Variants in MACROD2 observed in about 807,000 individuals in gnomAD.
MACROD2 encodes mono-ADP ribosylhydrolase 2.
A neutral mutation model predicts 70.4 loss-of-function variants in MACROD2; 36 were observed. The ratio of observed to expected loss-of-function variants is 0.51; its 90% CI spans 0.39 to 0.68. MACROD2 has a LOEUF of 0.68. Ranked by LOEUF, MACROD2 falls within the 30% of genes least tolerant of loss-of-function variation. The pLI is 0.00. For synonymous variants in MACROD2, 172 were observed against 178.8 expected (o/e 0.96, Z 0.30); for missense variants, 496 against 538.4 (o/e 0.92, Z 0.78).
chr20:15,685,263 C>T (rs1485673948), intron 8 of MACROD2, among the ~76,000 whole-genome samples: 1 of 152,152 alleles, frequency 6.6e-6, no homozygotes. Flanking sequence ...TTTGAATTTT[C>T]TGGCATTTAA....
At chr20:15,772,101 A>AAAAAAAAAAAAATATAT (rs1555777716) in intron 8 of MACROD2, among the ~76,000 whole-genome samples, 1 of 91,442 alleles carries the variant, frequency 1.1e-5, no homozygotes, top group Non-Finnish European at 1.9e-5. Context: ...AAAAAAAAAA[A>AAAAAAAAAAAAATATAT]ATATATATAT....
chr20:14,763,057 A>T (rs1370800225), intron 5 of MACROD2, among the ~76,000 whole-genome samples: 2 of 152,076 alleles, frequency 1.3e-5, no homozygotes, highest in Non-Finnish European at 2.9e-5. Flanking sequence ...GGGGGAAATG[A>T]GCTTCACAGG....
At chr20:16,049,638 G>A (rs1219722312) in intron 17 of MACROD2, among the ~76,000 whole-genome samples, 192 bp from the exon 18 acceptor site, 1 of 152,168 alleles carries the variant, frequency 6.6e-6, no homozygotes, top group Non-Finnish European at 1.5e-5. Flanking sequence ...TGATTTATAT[G>A]CTCTTTAAAG....
At chr20:14,086,344 A>G in intron 3 of MACROD2, 1 of 222,948 alleles carries the variant, frequency 4.5e-6, no homozygotes. Context: ...ATATCAAAAA[A>G]GATATAACAG....
chr20:14,327,393 A>G (rs1258597087), intron 3 of MACROD2: 10 of 1,613,608 alleles, frequency 6.2e-6, no homozygotes, highest in Non-Finnish European at 8.5e-6. Flanking sequence ...TGAAACCCGC[A>G]TCGCAGCGAC....
In MACROD2 at chr20:14,326,765, T is replaced by G; in HGVS notation, c.272-166714T>G. 1 of 1,613,772 alleles carries G rather than the reference T, an allele frequency of 6.2e-7. No homozygotes were observed. The highest frequency in any genetic ancestry group is 8.5e-7 in the Non-Finnish European group (1 of 1,179,812). ...TCTTGAAGATAAAGCTTCCTCAGGT[T>G]TGTGCCTGGAAGGTTTACTGGTGCA... On this transcript the variant is annotated intron_variant, in intron 3 of 17. Transcript: ENST00000684519. The surrounding 1 kb of genome is among the most constrained non-coding windows in gnomAD (Gnocchi z 5.5).
chr20:14,129,288 G>T (rs547315981), intron 3 of MACROD2, among the ~76,000 whole-genome samples: 1 of 152,320 alleles, frequency 6.6e-6, no homozygotes, highest in Admixed American at 6.5e-5. Context: ...GTCCATCCAA[G>T]TTCAAGGCTT....
intron 3 of MACROD2, among the ~76,000 whole-genome samples, chr20:14,147,198 G>A (rs2054953785): frequency 6.6e-6 from 1 of 152,146 alleles, no homozygotes; most frequent in South Asian, 2.1e-4. Context: ...TTTTATAGAT[G>A]AGCAAACTGA....
At chr20:15,003,461 T>A (rs1348034176) in intron 5 of MACROD2, among the ~76,000 whole-genome samples, 1 of 152,206 alleles carries the variant, frequency 6.6e-6, no homozygotes, top group Non-Finnish European at 1.5e-5. Context: ...GATTTGTTAT[T>A]AAACAGATCA....
intron 4 of MACROD2, chr20:14,554,533 A>G (rs867612910): frequency 1.3e-5 from 2 of 152,138 alleles, no homozygotes; most frequent in African/African-American, 2.4e-5. Context: ...ATGGCTCTGT[A>G]GGCCAAAACA....
chr20:15,460,659 C>G (rs2146412638), intron 7 of MACROD2, among the ~76,000 whole-genome samples: 1 of 152,214 alleles, frequency 6.6e-6, no homozygotes, highest in South Asian at 2.1e-4. Flanking sequence ...CTTTTCAGCC[C>G]TTCAAAACCT....
At chr20:14,688,058 T>A (rs779707571) in intron 5 of MACROD2, among the ~76,000 whole-genome samples, 4 of 152,214 alleles carry the variant, frequency 2.6e-5, no homozygotes, top group African/African-American at 9.6e-5. Flanking sequence ...TCATTAACAA[T>A]CCACAGATGT....
intron 3 of MACROD2, among the ~76,000 whole-genome samples, chr20:14,126,716 T>A (rs766622901): frequency 2.6e-5 from 4 of 152,228 alleles, no homozygotes; most frequent in Non-Finnish European, 5.9e-5. Flanking sequence ...TATTTCTTTT[T>A]CATTATTATT....
intron 7 of MACROD2, among the ~76,000 whole-genome samples, chr20:15,451,668 G>A (rs1289332353): frequency 6.6e-6 from 1 of 152,012 alleles, no homozygotes; most frequent in Non-Finnish European, 1.5e-5. Flanking sequence ...CTGCAGCAAG[G>A]GGCACCCTAC....
chr20:14,511,801 G>A (rs984389114), intron 4 of MACROD2, among the ~76,000 whole-genome samples: 5 of 151,938 alleles, frequency 3.3e-5, no homozygotes, highest in Non-Finnish European at 7.4e-5. Flanking sequence ...GTGTGATTTA[G>A]TAATATCCTT....
chr20:14,358,158 T>A (rs1316108035), intron 3 of MACROD2, among the ~76,000 whole-genome samples: 1 of 152,222 alleles, frequency 6.6e-6, no homozygotes, highest in Non-Finnish European at 1.5e-5. Context: ...AATAGTACTG[T>A]ATAACAATTT....
chr20:14,699,809 A>G (rs937070965), intron 5 of MACROD2, among the ~76,000 whole-genome samples: 31 of 149,986 alleles, frequency 2.1e-4, no homozygotes, highest in African/African-American at 6.3e-4. Flanking sequence ...TTTAAAGTTT[A>G]AACTTTTTAA....
intron 3 of MACROD2, among the ~76,000 whole-genome samples, chr20:14,155,445 A>AT (rs1183209524): frequency 6.6e-6 from 1 of 152,152 alleles, no homozygotes; most frequent in East Asian, 1.9e-4. Flanking sequence ...TCACGTATAG[A>AT]TTGATTATCT....
Position 15,824,381 on chromosome 20 carries a change from A to G in MACROD2, c.646-38364A>G, listed in dbSNP as rs189211909. Among the ~76,000 whole-genome samples the G allele has an allele frequency of 2.0e-5, 3 of 152,344 alleles. No homozygotes were observed. The East Asian group carries it at 5.8e-4, about 29-fold the overall frequency. The stretch of plus-strand genomic sequence containing the variant: ...TATGGTTATTTTACCTTGCCAGTGT[A>G]TATTTCATTGGAAAAGTCTATAGGC... On this transcript the variant is annotated intron_variant, in intron 8 of 17. Coordinates refer to ENST00000684519, the MANE Select transcript of MACROD2 (RefSeq NM_001351661.2).
Sources: gnomAD v4.1 joint callset for allele counts (sites outside exome capture counted in the v4.1 genomes callset) on GRCh38, gnomAD v4.1.1 for gene constraint, Gnocchi (gnomAD v3.1) non-coding constraint, MANE v1.5 for transcripts, NCBI Gene and HGNC (gene_info 2026-07-23, HGNC 2026-07-21) for gene names.